PIWIL2: variants seen among roughly 807,000 people sequenced by gnomAD.
The protein encoded by PIWIL2 is piwi like RNA-mediated gene silencing 2, also known as piwi-like protein 2.
Under a neutral mutation model 116.5 loss-of-function variants are expected in PIWIL2, and 81 were observed. The ratio of observed to expected loss-of-function variants is 0.70; its 90% CI spans 0.58 to 0.84. The LOEUF is 0.84. Ranked by LOEUF, PIWIL2 falls within the 40% of genes least tolerant of loss-of-function variation. The pLI, the probability that PIWIL2 is intolerant of heterozygous loss-of-function variation, is 0.00. For missense variants in PIWIL2, 1,272 were observed against 1,212.3 expected, an observed-to-expected ratio of 1.05 and a Z score of -0.73; for synonymous variants, 489 against 429.5, an observed-to-expected ratio of 1.14 and a Z score of -1.71.
At chr8:22,294,514 A>G (rs1320907067) in intron 10 of PIWIL2, among the ~76,000 whole-genome samples, 1 of 148,774 alleles carries the variant, frequency 6.7e-6, no homozygotes, top group Admixed American at 6.7e-5. Flanking sequence ...GATGGCGGGC[A>G]CCTGTAGTCC....
At chr8:22,349,415 G>GTATATATATATA (rs540224852) in intron 20 of PIWIL2, among the ~76,000 whole-genome samples, 251 of 134,834 alleles carry the variant, frequency 1.9e-3, no homozygotes, top group Middle Eastern at 7.9e-3. Flanking sequence ...ATATATGTGT[G>GTATATATATATA]TGTGTATATA....
chr8:22,351,129 C>A (rs1401565483), intron 20 of PIWIL2, among the ~76,000 whole-genome samples: 1 of 151,528 alleles, frequency 6.6e-6, no homozygotes, highest in Non-Finnish European at 1.5e-5. Context: ...TCAGCCTGGG[C>A]AACAGAGCGA....
chr8:22,291,031 C>T (rs1276142654), intron 10 of PIWIL2, among the ~76,000 whole-genome samples: 2 of 150,606 alleles, frequency 1.3e-5, no homozygotes, highest in Admixed American at 1.3e-4. Context: ...TGCAGTGGTG[C>T]AATCTTGGCT....
At chr8:22,295,779 G>A (rs1027027330) in intron 10 of PIWIL2, among the ~76,000 whole-genome samples, 4 of 152,050 alleles carry the variant, frequency 2.6e-5, no homozygotes, top group Admixed American at 2.6e-4. Context: ...AAATGTAACA[G>A]CTTTTCTTTT....
intron 4 of PIWIL2, among the ~76,000 whole-genome samples, chr8:22,281,937 A>G (rs1830513866): frequency 6.7e-6 from 1 of 148,664 alleles, no homozygotes; most frequent in South Asian, 2.1e-4. Context: ...ATACCCAACT[A>G]ATTTTTTGTA....
chr8:22,325,125 C>T (rs1831692576), intron 20 of PIWIL2, among the ~76,000 whole-genome samples: 1 of 152,144 alleles, frequency 6.6e-6, no homozygotes, highest in Admixed American at 6.6e-5. Flanking sequence ...CTGTTGAGGT[C>T]ATGTGGGAAA....
rs548743559 is a variant in PIWIL2, at chr8:22,331,084, G to A, written c.2403+12809G>A. On this transcript the variant is annotated intron_variant, in intron 20 of 22. Coordinates refer to ENST00000356766, the MANE Select transcript of PIWIL2 (RefSeq NM_018068.5). Reference sequence around the variant, plus strand: ...CCAGCTACTAAGGAGGCTGAGGGAGGAGAATTGCTTGAACCCAGGAGGTGG... The same window carrying A: ...CCAGCTACTAAGGAGGCTGAGGGAGAAGAATTGCTTGAACCCAGGAGGTGG... Among the ~76,000 whole-genome samples, 260 of 152,284 alleles carry A rather than the reference G, an allele frequency of 1.7e-3. 1 individual carries two copies. The highest frequency in any genetic ancestry group is 2.9e-3 in the Non-Finnish European group (200 of 68,020).
chr8:22,288,817 C>G (rs1384631345), intron 8 of PIWIL2, 151 bp downstream of exon 8: 1 of 617,792 alleles, frequency 1.6e-6, no homozygotes, highest in Non-Finnish European at 2.7e-6. Context: ...TTGAGGCTAA[C>G]TTACTCAAAA....
intron 20 of PIWIL2, among the ~76,000 whole-genome samples, chr8:22,324,413 C>T (rs533041696): frequency 1.6e-4 from 25 of 152,040 alleles, no homozygotes; most frequent in Non-Finnish European, 3.4e-4. Context: ...TCTAGACTGC[C>T]GGCAGCAATA....
At chr8:22,295,786 T>G (rs968196350) in intron 10 of PIWIL2, among the ~76,000 whole-genome samples, 1 of 152,186 alleles carries the variant, frequency 6.6e-6, no homozygotes, top group Non-Finnish European at 1.5e-5. Flanking sequence ...ACAGCTTTTC[T>G]TTTCATCACC....
At chr8:22,293,015 T>C (rs770621241) in intron 10 of PIWIL2, among the ~76,000 whole-genome samples, 5 of 152,238 alleles carry the variant, frequency 3.3e-5, no homozygotes, top group Admixed American at 6.5e-5. Flanking sequence ...ACAGTAAATG[T>C]TCAAGAATAT....
intron 20 of PIWIL2, among the ~76,000 whole-genome samples, chr8:22,322,827 C>T (rs1204016014): frequency 6.6e-6 from 1 of 152,268 alleles, no homozygotes; most frequent in Non-Finnish European, 1.5e-5. Flanking sequence ...AGACGTGAGC[C>T]ACTGTGCCCA....
At chr8:22,287,421 C>T (rs1326166267) in intron 6 of PIWIL2, 107 bp from the exon 7 acceptor site, 6 of 770,178 alleles carry the variant, frequency 7.8e-6, no homozygotes, top group Non-Finnish European at 1.4e-5. Context: ...TTAATATGCC[C>T]GCTAGATGGA....
At chr8:22,297,052 G>A (rs926398254) in intron 10 of PIWIL2, among the ~76,000 whole-genome samples, 19 of 151,452 alleles carry the variant, frequency 1.3e-4, no homozygotes, top group Admixed American at 7.9e-4. Flanking sequence ...ACAGTGGCAC[G>A]ATCACAACTC....
At chr8:22,321,990 CA>C (rs1831610500) in intron 20 of PIWIL2, 7 of 983,986 alleles carry the variant, frequency 7.1e-6, no homozygotes, top group Admixed American at 6.2e-5. Flanking sequence ...GACTCGCATG[CA>C]ATAATAAAAT....
chr8:22,332,749 CTT>C (rs1307313501), intron 20 of PIWIL2, among the ~76,000 whole-genome samples: 1 of 152,068 alleles, frequency 6.6e-6, no homozygotes, highest in Admixed American at 6.6e-5. Flanking sequence ...CTGAAAATAA[CTT>C]TCACTAGTGA....
intron 6 of PIWIL2, among the ~76,000 whole-genome samples, chr8:22,285,640 ATTTCTTTTTTT>A (rs1830612664): frequency 6.6e-6 from 1 of 151,272 alleles, no homozygotes; most frequent in Non-Finnish European, 1.5e-5. Flanking sequence ...CTTCCATACT[ATTTCTTTTTTT>A]TTTCTTTTGA....
Position 22,287,561 on chromosome 8 carries a change from C to T in PIWIL2, c.777C>T (p.Gly259=), listed in dbSNP as rs1230714910. ...TGGAGTGCAAAAGCATGAGGTTCGG[C>T]ATGTTGAAGGACCATCAAGCTGTCA... The part of the protein sequence containing the change: ...PNVECKSMRF[G]MLKDHQAVTG... The change falls in exon 7 of 23, where the codon GGC becomes GGT. Residue 259 remains glycine (G), a synonymous_variant. Coordinates refer to ENST00000356766, the MANE Select transcript of PIWIL2 (RefSeq NM_018068.5). 1.9e-5 allele frequency: 30 copies of T among 1,613,396 alleles called. No individual in the cohort carries two copies. The highest frequency in any genetic ancestry group is 2.5e-5 in the Non-Finnish European group (29 of 1,179,418).
Position 22,315,072 on chromosome 8 carries a change from G to C in PIWIL2, c.2135G>C (p.Ser712Thr). 1 of 1,613,948 alleles carries C rather than the reference G, an allele frequency of 6.2e-7. No homozygotes were observed. Among genetic ancestry groups the C allele is most frequent in the Non-Finnish European group, 8.5e-7 (1 of 1,179,846 alleles). The stretch of plus-strand genomic sequence containing the variant: ...ATTGGTCAGCCCACCAGGCTTCGGA[G>C]TGTGGCCCAGAAGATTTTACTTCAG... ...RTIGQPTRLRSVAQKILLQIN... is the reference protein window; with the variant it reads ...RTIGQPTRLRTVAQKILLQIN... The change falls in exon 18 of 23, where the codon AGT becomes ACT. Residue 712 changes from serine to threonine, a missense_variant. Physicochemically the swap from Ser to Thr is moderately conservative, Grantham distance 58. Transcript: ENST00000356766.
Sources: allele counts gnomAD v4.1 joint callset (sites outside exome capture counted in the v4.1 genomes callset), GRCh38; gene constraint gnomAD v4.1.1; transcripts MANE v1.5; gene names NCBI Gene and HGNC (gene_info 2026-07-23, HGNC 2026-07-21).